ZNF618: variants seen among roughly 807,000 people sequenced by gnomAD.
ZNF618 encodes the protein neural precursor cell expressed, developmentally down-regulated 10.
Under a neutral mutation model 103.0 loss-of-function variants are expected in ZNF618, and 34 were observed. The ratio of observed to expected loss-of-function variants is 0.33; its 90% confidence interval spans 0.25 to 0.44. ZNF618 has a LOEUF of 0.44. Ranked by LOEUF, ZNF618 falls within the 20% of genes least tolerant of loss-of-function variation. The pLI is 1.00. For synonymous variants in ZNF618, 551 were observed against 542.2 expected (o/e 1.02, Z -0.23); for missense variants, 1,059 against 1,295.4 (o/e 0.82, Z 2.80).
intron 1 of ZNF618, among the ~76,000 whole-genome samples, chr9:113,921,939 G>A (rs4979297): frequency 0.4 from 60,686 of 151,610 alleles, 13,466 homozygotes; most frequent in Non-Finnish European, 0.51. Flanking sequence ...CATGTTCGCT[G>A]TTGAACAGTT....
intron 1 of ZNF618, among the ~76,000 whole-genome samples, chr9:113,879,857 A>G (rs1363573091): frequency 6.6e-6 from 1 of 151,828 alleles, no homozygotes; most frequent in South Asian, 2.1e-4. Flanking sequence ...ACTTTGGAGC[A>G]AGCTAGGAAA....
intron 1 of ZNF618, among the ~76,000 whole-genome samples, chr9:113,904,148 C>T (rs192851198): frequency 6.6e-6 from 1 of 150,580 alleles, no homozygotes; most frequent in Non-Finnish European, 1.5e-5. Flanking sequence ...TCTTCAAGTT[C>T]ATCAATCTTT....
At chr9:113,964,413 A>G (rs1588168367) in intron 1 of ZNF618, among the ~76,000 whole-genome samples, 1 of 152,304 alleles carries the variant, frequency 6.6e-6, no homozygotes, top group Non-Finnish European at 1.5e-5. Flanking sequence ...TAACAAATGA[A>G]TATATCAGTG....
At chr9:113,922,503 G>T (rs767561439) in intron 1 of ZNF618, among the ~76,000 whole-genome samples, 4 of 148,452 alleles carry the variant, frequency 2.7e-5, no homozygotes, top group Non-Finnish European at 5.9e-5. Flanking sequence ...TTTTGCATGC[G>T]GATGCCCAGT....
rs1247978152 is a variant in ZNF618, at chr9:113,951,597, G to GTA, written c.34-17512_34-17511dup. 9.2e-4 allele frequency among the ~76,000 whole-genome samples: 48 copies of GTA among 51,960 alleles called. 13 individuals carry two copies. Among genetic ancestry groups the GTA allele is most frequent in the African/African-American group, 2.3e-3 (44 of 18,910 alleles). The allele number at this position is 51,960 out of a possible 152,430, so 34.1% of individuals were successfully genotyped here. On this transcript the variant is annotated intron_variant, in intron 1 of 14. Coordinates refer to ENST00000374126, the MANE Select transcript of ZNF618 (RefSeq NM_001318042.2). ...TGTATATGTGTGTGTGTGTGTGTGT[G>GTA]TATATATATGTATATATATATATGT...
intron 6 of ZNF618, among the ~76,000 whole-genome samples, chr9:114,002,916 C>A (rs566645566): frequency 6.6e-6 from 1 of 152,378 alleles, no homozygotes; most frequent in South Asian, 2.1e-4. Flanking sequence ...GACGACTTCT[C>A]TGGCCAAGTA....
At chr9:113,925,729 C>T (rs1018672094) in intron 1 of ZNF618, among the ~76,000 whole-genome samples, 2 of 151,902 alleles carry the variant, frequency 1.3e-5, no homozygotes, top group African/African-American at 4.8e-5. Context: ...AATCTGAGTC[C>T]ACTTTCAAGT....
chr9:113,981,284 G>C (rs1241716840), intron 2 of ZNF618, among the ~76,000 whole-genome samples: 1 of 152,164 alleles, frequency 6.6e-6, no homozygotes, highest in African/African-American at 2.4e-5. Flanking sequence ...ACCCTTTGGA[G>C]GAAGAGCAGG....
intron 13 of ZNF618, among the ~76,000 whole-genome samples, chr9:114,042,158 T>C (rs1013387968): frequency 7.9e-5 from 12 of 152,184 alleles, no homozygotes; most frequent in Admixed American, 2.0e-4. Context: ...ATTCTCTGCA[T>C]TGGGAAAATG....
In ZNF618 at chr9:114,050,053, C is replaced by T. The variant is rs536000131; in HGVS notation, c.2751C>T (p.Gly917=). The part of the protein sequence containing the change: ...AFWLLAVPAV[G]ARSGCVNMCE... ...GGCTCCTGGCGGTTCCGGCCGTGGGCGCCAGAAGCGGGTGTGTAAATATGT... is the reference window on the plus strand; with the variant it reads ...GGCTCCTGGCGGTTCCGGCCGTGGGTGCCAGAAGCGGGTGTGTAAATATGT... Residue 917 remains glycine (G), a synonymous_variant, in exon 15 of 15, where the codon GGC becomes GGT. Transcript: ENST00000374126. 88 of 1,613,702 alleles carry T rather than the reference C, an allele frequency of 5.5e-5. No homozygotes were observed. Among genetic ancestry groups the T allele is most frequent in the East Asian group, 2.0e-4 (9 of 44,870 alleles).
intron 1 of ZNF618, among the ~76,000 whole-genome samples, chr9:113,902,671 C>T (rs564399848): frequency 6.6e-6 from 1 of 152,218 alleles, no homozygotes; most frequent in Non-Finnish European, 1.5e-5. Context: ...CACATTACTT[C>T]CAGCTGCTTG....
intron 1 of ZNF618, among the ~76,000 whole-genome samples, chr9:113,941,414 T>G (rs1016304476): frequency 6.6e-6 from 1 of 152,238 alleles, no homozygotes; most frequent in Non-Finnish European, 1.5e-5. Flanking sequence ...GTTGGGTTAC[T>G]TTCTCTTTCT....
intron 1 of ZNF618, among the ~76,000 whole-genome samples, chr9:113,956,099 C>G (rs776960216): frequency 2.0e-5 from 3 of 150,102 alleles, no homozygotes; most frequent in Non-Finnish European, 4.4e-5. Context: ...ATCCCAGCTA[C>G]TCGGGAGGCT....
chr9:114,005,690 G>A (rs969418154), intron 6 of ZNF618, among the ~76,000 whole-genome samples: 3 of 152,232 alleles, frequency 2.0e-5, no homozygotes, highest in Non-Finnish European at 2.9e-5. Flanking sequence ...GTCCTGCACA[G>A]AAGGCAGGGT....
intron 8 of ZNF618, 43 bp downstream of exon 8, chr9:114,008,422 T>C (rs753494912): frequency 6.2e-7 from 1 of 1,613,920 alleles, no homozygotes; most frequent in South Asian, 1.1e-5. Context: ...TGTCCCCGGC[T>C]GGGCTCCTGA....
At chr9:113,996,165 C>A (rs1380998964) in intron 3 of ZNF618, among the ~76,000 whole-genome samples, 3 of 152,202 alleles carry the variant, frequency 2.0e-5, no homozygotes, top group Non-Finnish European at 4.4e-5. Flanking sequence ...TTGTCCATGA[C>A]TTCCCTGTTC....
intron 9 of ZNF618, among the ~76,000 whole-genome samples, chr9:114,010,348 C>T (rs1414709147): frequency 1.3e-5 from 2 of 150,934 alleles, no homozygotes; most frequent in East Asian, 3.9e-4. Context: ...ACCCTCAGTG[C>T]TCAAATACGA....
At chr9:114,040,098 A>G (rs1845008923) in intron 13 of ZNF618, among the ~76,000 whole-genome samples, 1 of 149,890 alleles carries the variant, frequency 6.7e-6, no homozygotes, top group African/African-American at 2.5e-5. Context: ...AATATTATAC[A>G]TTGTTATTTA....
intron 1 of ZNF618, among the ~76,000 whole-genome samples, chr9:113,908,657 G>A (rs1831215500): frequency 6.6e-6 from 1 of 152,060 alleles, no homozygotes; most frequent in Non-Finnish European, 1.5e-5. Flanking sequence ...GCCCCTCTCT[G>A]GTTGGCCCCT....
Sources: allele counts gnomAD v4.1 joint callset (sites outside exome capture counted in the v4.1 genomes callset), GRCh38; gene constraint gnomAD v4.1.1; transcripts MANE v1.5; gene names NCBI Gene and HGNC (gene_info 2026-07-23, HGNC 2026-07-21).